Variants in GALC observed in about 807,000 individuals in gnomAD.
The protein encoded by GALC is galactocerebrosidase.
In GALC, 77 loss-of-function variants were observed where a neutral mutation model predicts 91.8. The ratio of observed to expected loss-of-function variants is 0.84; its 90% CI spans 0.70 to 1.01. The LOEUF is 1.01. GALC is among the 50% of genes least tolerant of loss of function. The pLI, the probability that GALC is intolerant of heterozygous loss-of-function variation, is 0.00. For missense variants in GALC, 882 were observed against 855.9 expected, an observed-to-expected ratio of 1.03 and a Z score of -0.38; for synonymous variants, 357 against 306.7, an observed-to-expected ratio of 1.16 and a Z score of -1.71.
chr14:87,975,597 G>C (rs1047349711), intron 7 of GALC, among the ~76,000 whole-genome samples: 5 of 151,958 alleles, frequency 3.3e-5, no homozygotes, highest in African/African-American at 1.2e-4. Flanking sequence ...ATTGGTCATG[G>C]ATTCACAGTT....
chr14:87,986,668 T>TGG, intron 3 of GALC, 66 bp from the exon 4 acceptor site: 1 of 903,000 alleles, frequency 1.1e-6, no homozygotes, highest in Non-Finnish European at 1.8e-6. Flanking sequence ...ACCATCTCAC[T>TGG]CCCCACCCCC....
chr14:87,957,108 G>A (rs1885591273), intron 10 of GALC, among the ~76,000 whole-genome samples: 1 of 151,698 alleles, frequency 6.6e-6, no homozygotes, highest in Non-Finnish European at 1.5e-5. Context: ...CTTTTTAATG[G>A]GATTTGTGTT....
chr14:87,971,766 A>G (rs1276579541), intron 7 of GALC, among the ~76,000 whole-genome samples: 15 of 152,172 alleles, frequency 9.9e-5, no homozygotes, highest in Admixed American at 9.2e-4. Flanking sequence ...CTTCCTAAAC[A>G]TATGTGTCTA....
chr14:87,952,209 A>AAT (rs1885339834), intron 10 of GALC, among the ~76,000 whole-genome samples: 1 of 151,852 alleles, frequency 6.6e-6, no homozygotes, highest in Non-Finnish European at 1.5e-5. Context: ...CGAGAAGATC[A>AAT]ATACAGTTGA....
intron 10 of GALC, chr14:87,953,778 T>C: frequency 6.2e-7 from 1 of 1,605,004 alleles, no homozygotes; most frequent in South Asian, 1.1e-5. Flanking sequence ...TTAAAAAAAG[T>C]CATTAATAAA....
intron 10 of GALC, 122 bp from the exon 11 acceptor site, chr14:87,950,870 GTTTA>G (rs1258838288): frequency 4.7e-6 from 3 of 638,138 alleles, no homozygotes; most frequent in African/African-American, 1.9e-5. Flanking sequence ...ACAAATATGA[GTTTA>G]TTTCACATTT....
chr14:87,958,308 G>T (rs1566983897), intron 10 of GALC, among the ~76,000 whole-genome samples: 2 of 152,010 alleles, frequency 1.3e-5, no homozygotes, highest in East Asian at 3.8e-4. Context: ...GTTTAAATCT[G>T]AAGTGAGTCC....
At chr14:87,954,435 T>C in intron 10 of GALC, 2 of 1,592,252 alleles carry the variant, frequency 1.3e-6, no homozygotes, top group Non-Finnish European at 1.7e-6. Context: ...TACCCTCAAC[T>C]GCAAAGGAAA....
chr14:87,971,271 G>A (rs1387376740), intron 7 of GALC, among the ~76,000 whole-genome samples: 1 of 152,130 alleles, frequency 6.6e-6, no homozygotes. Flanking sequence ...AAGTGAAAGG[G>A]GACTGGCCGG....
chr14:87,940,275 T>C (rs1884779188), intron 15 of GALC, among the ~76,000 whole-genome samples: 1 of 151,978 alleles, frequency 6.6e-6, no homozygotes. Context: ...GGTGTTAGCA[T>C]CTGTAGTTCA....
At position 87,934,602 on chromosome 14, in the gene GALC, C is replaced by G. The variant is rs933514619; in HGVS notation, c.*130G>C. On this transcript the variant is annotated 3_prime_UTR_variant, in exon 17 of 17. Coordinates refer to ENST00000261304, the MANE Select transcript of GALC (RefSeq NM_000153.4). ...GTAAATTAAAAATAAATTTCTCTCCCCTTTTACTCTTCATTATTTTTAGTC... is the reference window on the plus strand; with the variant it reads ...GTAAATTAAAAATAAATTTCTCTCCGCTTTTACTCTTCATTATTTTTAGTC... The G allele has an allele frequency of 3.2e-5, 50 of 1,548,414 alleles. No individual in the cohort carries two copies. In the African/African-American group the frequency reaches 3.7e-4, roughly 12 times the overall value.
intron 1 of GALC, 96 bp downstream of exon 1, chr14:87,992,874 G>C (rs1595245671): frequency 1.4e-6 from 2 of 1,408,168 alleles, no homozygotes; most frequent in South Asian, 3.0e-5. Flanking sequence ...AGTGGAGCCG[G>C]TGGAAACGCA....
intron 14 of GALC, among the ~76,000 whole-genome samples, chr14:87,943,903 A>G (rs1406951668): frequency 1.3e-5 from 2 of 151,964 alleles, no homozygotes; most frequent in Non-Finnish European, 2.9e-5. Context: ...AATCAAGCCT[A>G]GAAGTGGAAA....
In GALC at chr14:87,965,601, A is replaced by G. The variant is rs1566990777; in HGVS notation, c.937T>C (p.Tyr313His). 6.2e-7 allele frequency: 1 copy of G among 1,613,372 alleles called. No individual in the cohort carries two copies. The highest frequency in any genetic ancestry group is 8.5e-7 in the Non-Finnish European group (1 of 1,179,530). ...STIAWNLVAS[Y>H]YEQLPYGRCG... ...CTCCCATAAGGCAACTGTTCATAGT[A>G]ACTAGCCACTAAATTCCATGCGATT... is the stretch of plus-strand genomic sequence containing the variant. Residue 313 changes from tyrosine to histidine, a missense_variant, in exon 9 of 17, where the codon TAC (tyrosine) becomes CAC (histidine). Physicochemically the swap from Tyr to His is moderately conservative, Grantham distance 83. Transcript: ENST00000261304.
intron 1 of GALC, among the ~76,000 whole-genome samples, chr14:87,990,846 C>T (rs1887168776): frequency 6.6e-6 from 1 of 152,216 alleles, no homozygotes; most frequent in Non-Finnish European, 1.5e-5. Flanking sequence ...TTACTAACCA[C>T]ACTGCCTGAA....
At chr14:87,954,022 T>C in intron 10 of GALC, 1 of 1,609,860 alleles carries the variant, frequency 6.2e-7, no homozygotes, top group East Asian at 2.2e-5. Context: ...GATGTTGTTA[T>C]TCATGAGGAC....
At chr14:87,976,856 G>C (rs1302916708) in intron 6 of GALC, 1 of 249,650 alleles carries the variant, frequency 4.0e-6, no homozygotes, top group East Asian at 1.0e-4. Context: ...CCTCATGGAT[G>C]ATAATTTCAA....
chr14:87,990,366 T>C (rs1378347640), intron 1 of GALC, among the ~76,000 whole-genome samples: 3 of 152,202 alleles, frequency 2.0e-5, no homozygotes, highest in Non-Finnish European at 4.4e-5. Context: ...AGGCAAATTA[T>C]TGTAAAGTGG....
Position 87,937,373 on chromosome 14 carries a change from A to G in GALC, c.1912-2495T>C, listed in dbSNP as rs955907760. On this transcript the variant is annotated intron_variant, in intron 16 of 16. Coordinates refer to ENST00000261304, the MANE Select transcript of GALC (RefSeq NM_000153.4). ...GTAAAAATTAAGCCAGGTCAAGGTG[A>G]CAATGGGTGCCTGACAGACTACTTT... Among the ~76,000 whole-genome samples the G allele has an allele frequency of 5.3e-5, 8 of 150,354 alleles. No homozygotes were observed. In the East Asian group the frequency reaches 1.6e-3, roughly 29 times the overall value.
Sources: gnomAD v4.1 joint callset for allele counts (sites outside exome capture counted in the v4.1 genomes callset) on GRCh38, gnomAD v4.1.1 for gene constraint, MANE v1.5 for transcripts, NCBI Gene and HGNC (gene_info 2026-07-23, HGNC 2026-07-21) for gene names.